The following SGCD variants were observed in gnomAD, a reference collection of about 807,000 sequenced individuals.
The protein encoded by SGCD is delta-sarcoglycan.
In SGCD, 18 loss-of-function variants were observed where a neutral mutation model predicts 36.6. The observed-to-expected ratio is 0.49, with a 90% CI of 0.34 to 0.73. SGCD has a LOEUF of 0.73. Among genes scored for constraint, SGCD ranks in the 30% least tolerant of loss-of-function variants. The pLI is 0.01. For missense variants in SGCD, 387 were observed against 346.7 expected, an observed-to-expected ratio of 1.12 and a Z score of -0.92; for synonymous variants, 133 against 130.6, an observed-to-expected ratio of 1.02 and a Z score of -0.12.
chr5:156,157,946 G>A (rs540558507), intron 3 of SGCD, among the ~76,000 whole-genome samples: 3 of 151,608 alleles, frequency 2.0e-5, no homozygotes, highest in South Asian at 2.1e-4. Context: ...GCTTCTTAAT[G>A]TATGTTCAAA....
intron 5 of SGCD, among the ~76,000 whole-genome samples, chr5:156,593,376 G>T (rs1256966257): frequency 6.6e-6 from 1 of 152,068 alleles, no homozygotes; most frequent in African/African-American, 2.4e-5. Flanking sequence ...TGGCCATGAT[G>T]GATCAAGACA....
chr5:156,160,689 C>T (rs1322352718), intron 3 of SGCD, among the ~76,000 whole-genome samples: 1 of 151,300 alleles, frequency 6.6e-6, no homozygotes, highest in African/African-American at 2.5e-5. Flanking sequence ...CCTTTGCTAA[C>T]ATTGTGCTTG....
At chr5:155,961,244 C>T (rs1314308074) in intron 1 of SGCD, among the ~76,000 whole-genome samples, 2 of 152,020 alleles carry the variant, frequency 1.3e-5, no homozygotes, top group Admixed American at 1.3e-4. Context: ...ATACTCTTCT[C>T]TATTTACTTT....
intron 3 of SGCD, among the ~76,000 whole-genome samples, chr5:156,188,358 A>G (rs1763811404): frequency 6.6e-6 from 1 of 152,196 alleles, no homozygotes; most frequent in Non-Finnish European, 1.5e-5. Flanking sequence ...AAAGGTGATA[A>G]ATACTGTGAG....
intron 3 of SGCD, among the ~76,000 whole-genome samples, chr5:156,175,942 G>A (rs1763456692): frequency 6.9e-6 from 1 of 144,586 alleles, no homozygotes; most frequent in African/African-American, 2.6e-5. Flanking sequence ...CTATTTTTCT[G>A]TGGATCTTTT....
chr5:156,171,916 C>T (rs533711886), intron 3 of SGCD, among the ~76,000 whole-genome samples: 46 of 152,068 alleles, frequency 3.0e-4, no homozygotes, highest in Non-Finnish European at 5.4e-4. Flanking sequence ...GTCAGTAACC[C>T]TAGGGAGTAG....
the SGCD span, among the ~76,000 whole-genome samples, chr5:155,773,137 G>A: frequency 6.6e-6 from 1 of 152,058 alleles, no homozygotes; most frequent in East Asian, 1.9e-4. Flanking sequence ...GCTAGTGTGT[G>A]GAACTCCCTA....
intron 3 of SGCD, among the ~76,000 whole-genome samples, chr5:156,313,836 A>C (rs1287588722): frequency 6.6e-6 from 1 of 152,078 alleles, no homozygotes; most frequent in African/African-American, 2.4e-5. Context: ...TTTCGCTACT[A>C]ATGTGTAATT....
rs146376486 is a variant in SGCD, at chr5:156,348,981, T to G, written c.192+4304T>G. Among the ~76,000 whole-genome samples, 562 of 152,044 alleles carry G rather than the reference T, an allele frequency of 3.7e-3. 6 individuals carry two copies. Among genetic ancestry groups the G allele is most frequent in the Non-Finnish European group, 1.5e-3 (99 of 67,902 alleles). ...AAATCAGCTGATCTTTTACAAAGTA[T>G]ACAAAAACATAAATTGGAGAAAGGA... On this transcript the variant is annotated intron_variant, in intron 3 of 8. Transcript: ENST00000337851.
chr5:156,721,101 G>A (rs1245639253), intron 7 of SGCD, among the ~76,000 whole-genome samples: 6 of 152,208 alleles, frequency 3.9e-5, no homozygotes, highest in South Asian at 2.1e-4. Context: ...CAGCGGAAAC[G>A]GGGAAGGCTC....
Position 156,479,195 on chromosome 5 carries a change from C to T in SGCD, c.193-29406C>T, listed in dbSNP as rs935324720. On this transcript the variant is annotated intron_variant, in intron 3 of 8. Transcript: ENST00000337851. ...GCAACCTCCACCTCCCAGGTTCAAG[C>T]GATTCTCCTGCCTCAGCCTCCTGAG... Among the ~76,000 whole-genome samples the T allele has an allele frequency of 7.2e-5, 11 of 152,020 alleles. 1 individual carries two copies. The highest frequency in any genetic ancestry group is 1.3e-4 in the Admixed American group (2 of 15,250).
chr5:156,432,237 T>A (rs1171036654), intron 3 of SGCD, among the ~76,000 whole-genome samples: 1 of 152,228 alleles, frequency 6.6e-6, no homozygotes, highest in Non-Finnish European at 1.5e-5. Flanking sequence ...GGCTTTCTAG[T>A]ATGCTAGTTA....
chr5:155,972,037 T>C (rs1462786690), intron 1 of SGCD, among the ~76,000 whole-genome samples: 1 of 152,166 alleles, frequency 6.6e-6, no homozygotes, highest in Admixed American at 6.6e-5. Flanking sequence ...TCTGAACTGC[T>C]ATTGGTTAGG....
intron 1 of SGCD, among the ~76,000 whole-genome samples, chr5:156,069,259 C>G (rs1760451509): frequency 1.3e-5 from 2 of 151,996 alleles, no homozygotes; most frequent in East Asian, 1.9e-4. Context: ...GGTTTTAGGT[C>G]TAAAGTTTAA....
intron 1 of SGCD, among the ~76,000 whole-genome samples, chr5:156,117,229 C>T (rs1421699026): frequency 6.6e-6 from 1 of 152,026 alleles, no homozygotes; most frequent in African/African-American, 2.4e-5. Flanking sequence ...GACGCAAACA[C>T]ATTGTTGCCC....
intron 1 of SGCD, among the ~76,000 whole-genome samples, chr5:155,876,322 T>G (rs1172705779): frequency 6.6e-6 from 1 of 151,314 alleles, no homozygotes; most frequent in African/African-American, 2.4e-5. Context: ...CCACCTATAT[T>G]TGAAATAACA....
chr5:156,077,737 A>G (rs1030121597), intron 1 of SGCD, among the ~76,000 whole-genome samples: 1 of 152,042 alleles, frequency 6.6e-6, no homozygotes, highest in South Asian at 2.1e-4. Flanking sequence ...TCTCCTTTCT[A>G]AGAACTTATC....
chr5:156,531,036 T>C (rs1048723292), intron 4 of SGCD, among the ~76,000 whole-genome samples: 1 of 152,160 alleles, frequency 6.6e-6, no homozygotes, highest in African/African-American at 2.4e-5. Context: ...ACCTATGTGA[T>C]AGTATTAAGA....
intron 3 of SGCD, among the ~76,000 whole-genome samples, chr5:156,406,561 C>T (rs1580940622): frequency 6.6e-6 from 1 of 151,866 alleles, no homozygotes; most frequent in Non-Finnish European, 1.5e-5. Flanking sequence ...TCAAGTTTCA[C>T]CTCCACACAG....
Sources: allele counts gnomAD v4.1 joint callset (sites outside exome capture counted in the v4.1 genomes callset), GRCh38; gene constraint gnomAD v4.1.1; transcripts MANE v1.5; gene names NCBI Gene and HGNC (gene_info 2026-07-23, HGNC 2026-07-21).